The following CELF2 variants were observed in gnomAD, a reference collection of about 807,000 sequenced individuals.
CELF2 encodes the protein CUGBP Elav-like family member 2.
Under a neutral mutation model 62.6 loss-of-function variants are expected in CELF2, and 8 were observed. The observed-to-expected ratio is 0.13, with a 90% CI of 0.07 to 0.23. The LOEUF (loss-of-function observed/expected upper bound fraction) is 0.23. CELF2 is among the 10% of genes least tolerant of loss of function. The pLI, the probability that CELF2 is intolerant of heterozygous loss-of-function variation, is 1.00. For missense variants in CELF2, 333 were observed against 671.0 expected, an observed-to-expected ratio of 0.50 and a Z score of 5.56; for synonymous variants, 258 against 250.0, an observed-to-expected ratio of 1.03 and a Z score of -0.30.
rs1482218189 is a variant in CELF2, at chr10:11,129,326, GGTCTAAAACTC to G, written c.75-36159_75-36149del. ...TGCATCGATGTTCATCGGGGATATT[GGTCTAAAACTC>G]TCTTTTTTTGTTGTGTCTCTGCCAG... On this transcript the variant is annotated intron_variant, in intron 1 of 12. Transcript: ENST00000633077. 6.6e-5 allele frequency among the ~76,000 whole-genome samples: 10 copies of G among 152,244 alleles called. No homozygotes were observed. The East Asian group carries it at 1.9e-3, about 29-fold the overall frequency.
At chr10:11,186,772 C>G (rs576102549) in intron 2 of CELF2, among the ~76,000 whole-genome samples, 1 of 152,062 alleles carries the variant, frequency 6.6e-6, no homozygotes, top group African/African-American at 2.4e-5. Context: ...TGCAAATATT[C>G]AAAAATCTGA....
chr10:10,889,592 G>A (rs944790624), intron 1 of CELF2, among the ~76,000 whole-genome samples: 9 of 152,194 alleles, frequency 5.9e-5, no homozygotes, highest in African/African-American at 1.4e-4. Context: ...ACCTCCAGCC[G>A]TCTCTGACCC....
chr10:10,528,297 C>A, the CELF2 span, among the ~76,000 whole-genome samples: 1 of 152,058 alleles, frequency 6.6e-6, no homozygotes, highest in East Asian at 1.9e-4. Flanking sequence ...GCTGGGAGGG[C>A]AGAAAGAAGG....
intron 2 of CELF2, among the ~76,000 whole-genome samples, chr10:10,935,739 C>T (rs895050469): frequency 6.6e-6 from 1 of 152,214 alleles, no homozygotes; most frequent in African/African-American, 2.4e-5. Flanking sequence ...TTTAGGAATT[C>T]TCATAATCCA....
At chr10:10,701,705 A>T in the CELF2 span, among the ~76,000 whole-genome samples, 1 of 152,338 alleles carries the variant, frequency 6.6e-6, no homozygotes, top group East Asian at 1.9e-4. Flanking sequence ...ACCAGTGGCA[A>T]ATCGCCCATA....
chr10:10,509,388 T>C, the CELF2 span, among the ~76,000 whole-genome samples: 3 of 152,250 alleles, frequency 2.0e-5, no homozygotes, highest in African/African-American at 7.2e-5. Flanking sequence ...GTCATAAAGG[T>C]GGGGCCCTTA....
chr10:11,121,515 C>A (rs1187751552), intron 1 of CELF2, among the ~76,000 whole-genome samples: 2 of 152,236 alleles, frequency 1.3e-5, no homozygotes, highest in African/African-American at 4.8e-5. Flanking sequence ...TGAGGCCCTA[C>A]TATGTGGTTG....
chr10:10,769,407 G>A, the CELF2 span, among the ~76,000 whole-genome samples: 4 of 152,104 alleles, frequency 2.6e-5, no homozygotes, highest in East Asian at 3.9e-4. Flanking sequence ...TGCATAAAAC[G>A]TGCTGCAGTG....
At chr10:11,200,364 GAT>G (rs1434476453) in intron 2 of CELF2, among the ~76,000 whole-genome samples, 2 of 152,228 alleles carry the variant, frequency 1.3e-5, no homozygotes, top group African/African-American at 4.8e-5. Flanking sequence ...CTACAGCAAA[GAT>G]ATGAATTCCC....
chr10:10,876,919 G>A (rs545901631), intron 1 of CELF2, among the ~76,000 whole-genome samples: 4 of 152,360 alleles, frequency 2.6e-5, no homozygotes, highest in African/African-American at 9.6e-5. Context: ...TTGCATGTAT[G>A]TAGGATGGAG....
chr10:11,170,904 A>C (rs1268091471), intron 2 of CELF2, among the ~76,000 whole-genome samples: 1 of 152,214 alleles, frequency 6.6e-6, no homozygotes, highest in Admixed American at 6.5e-5. Context: ...TTCTAAACTT[A>C]AATGGTTAGG....
intron 1 of CELF2, among the ~76,000 whole-genome samples, chr10:11,086,584 A>T (rs1165916934): frequency 3.1e-5 from 2 of 65,458 alleles, no homozygotes; most frequent in African/African-American, 8.1e-5. Flanking sequence ...TTGTTAAAAA[A>T]AAAAAAAAAA....
chr10:10,599,869 C>G, the CELF2 span, among the ~76,000 whole-genome samples: 1 of 151,776 alleles, frequency 6.6e-6, no homozygotes, highest in African/African-American at 2.4e-5. Context: ...GTAGCTGGGA[C>G]TACAGGAGCC....
chr10:10,687,685 G>A, the CELF2 span, among the ~76,000 whole-genome samples: 11 of 152,082 alleles, frequency 7.2e-5, no homozygotes, highest in African/African-American at 2.4e-4. Flanking sequence ...ATCATTATAA[G>A]CATGAAAAAG....
At chr10:10,555,526 G>A in the CELF2 span, among the ~76,000 whole-genome samples, 2 of 152,112 alleles carry the variant, frequency 1.3e-5, no homozygotes, top group African/African-American at 4.8e-5. Flanking sequence ...TACTCGTGAG[G>A]ATAATTCTCA....
At chr10:10,674,927 A>G in the CELF2 span, among the ~76,000 whole-genome samples, 1 of 152,302 alleles carries the variant, frequency 6.6e-6, no homozygotes, top group East Asian at 1.9e-4. Context: ...ACTTATATGT[A>G]TATAGAAGCA....
chr10:11,301,444 ACTCCCG>A (rs2140162093), intron 9 of CELF2, among the ~76,000 whole-genome samples: 1 of 26,048 alleles, frequency 3.8e-5, no homozygotes, highest in South Asian at 2.2e-3. Flanking sequence ...CCCCCCCGCC[ACTCCCG>A]CTCCCCCCAC....
intron 1 of CELF2, among the ~76,000 whole-genome samples, chr10:11,079,161 G>A (rs570866236): frequency 6.6e-6 from 1 of 152,160 alleles, no homozygotes; most frequent in South Asian, 2.1e-4. Context: ...AACTAAAAAC[G>A]TTCTAAAACT....
upstream of CELF2, among the ~76,000 whole-genome samples, chr10:11,013,436 G>A (rs143171584): frequency 2.8e-4 from 43 of 152,266 alleles, no homozygotes; most frequent in African/African-American, 8.7e-4. This position sits in a 1 kb window ranked among gnomAD's most constrained non-coding sequence, Gnocchi z 4.1. Context: ...TGCAGACCAC[G>A]CTAGTGGGGT....
Sources: allele counts gnomAD v4.1 joint callset (sites outside exome capture counted in the v4.1 genomes callset), GRCh38; gene constraint gnomAD v4.1.1; non-coding constraint Gnocchi (gnomAD v3.1); transcripts MANE v1.5; gene names NCBI Gene and HGNC (gene_info 2026-07-23, HGNC 2026-07-21).